Variants in UMAD1 observed in about 807,000 individuals in gnomAD.
The protein encoded by UMAD1 is UBAP1-MVB12-associated (UMA) domain containing 1, also known as UBAP1-MVB12-associated (UMA)-domain containing protein 1.
In UMAD1, 8 loss-of-function variants were observed where a neutral mutation model predicts 6.1. The ratio of observed to expected loss-of-function variants is 1.30; its 90% CI spans 0.76 to 2.35. UMAD1 has a LOEUF of 2.35. Ranked by LOEUF, UMAD1 falls within the 30% of genes most tolerant of loss-of-function variation. The probability of loss-of-function intolerance (pLI) is 0.00; values close to 1 mark genes in which losing one functional copy is unlikely to be tolerated. For missense variants in UMAD1, 130 were observed against 78.4 expected, an observed-to-expected ratio of 1.66 and a Z score of -2.49; for synonymous variants, 56 against 31.4, an observed-to-expected ratio of 1.78 and a Z score of -2.61.
rs1328617157 is a variant in UMAD1 at position 7,871,685 on chromosome 7, T to G, written c.157-5596T>G. On this transcript the variant is annotated intron_variant, in intron 3 of 3. Coordinates refer to ENST00000682710, the MANE Select transcript of UMAD1 (RefSeq NM_001302348.2). ...TCACTCATTTTACATAATAGTGGGT[T>G]GAGGCTCAAATGGGTAAAGCAACCC... Among the ~76,000 whole-genome samples, 5 of 152,296 alleles carry G rather than the reference T, an allele frequency of 3.3e-5. No individual in the cohort carries two copies. In the East Asian group the frequency reaches 9.6e-4, roughly 29 times the overall value.
chr7:7,857,252 G>C (rs948938110), intron 3 of UMAD1, among the ~76,000 whole-genome samples: 3 of 152,188 alleles, frequency 2.0e-5, no homozygotes, highest in African/African-American at 7.2e-5. Context: ...CCACCCGGGA[G>C]TTTACAACTA....
intron 2 of UMAD1, among the ~76,000 whole-genome samples, chr7:7,686,430 C>G (rs1780042839): frequency 6.6e-6 from 1 of 151,974 alleles, no homozygotes; most frequent in Admixed American, 6.6e-5. Context: ...TATTTTTTAT[C>G]AGAAATTTAT....
intron 3 of UMAD1, among the ~76,000 whole-genome samples, chr7:7,823,632 C>T (rs930657321): frequency 3.3e-5 from 5 of 151,962 alleles, no homozygotes; most frequent in Non-Finnish European, 7.4e-5. Context: ...ACCTACTTTT[C>T]ATTTTTTAAA....
At position 7,878,450 on chromosome 7, in the gene UMAD1, T is replaced by G. The variant is rs1214602581; in HGVS notation, c.*912T>G. 2.6e-5 allele frequency: 4 copies of G among 152,196 alleles called. No individual in the cohort carries two copies. Among genetic ancestry groups the G allele is most frequent in the Non-Finnish European group, 5.9e-5 (4 of 68,040 alleles). The allele number at this position is 152,196 out of a possible 1,614,324, so 9.4% of individuals were successfully genotyped here. ...GGAAATGTTTTACTGCTGGAAAAAC[T>G]GAAATCAACTCATTTCCAATTAGAG... is the stretch of plus-strand genomic sequence containing the variant. On this transcript the variant is annotated 3_prime_UTR_variant, in exon 4 of 4. Transcript: ENST00000682710.
chr7:7,710,104 T>C (rs1780716060), intron 2 of UMAD1, among the ~76,000 whole-genome samples: 1 of 152,226 alleles, frequency 6.6e-6, no homozygotes, highest in South Asian at 2.1e-4. Context: ...TGGTCTCATC[T>C]ATATTGCTCT....
intron 2 of UMAD1, among the ~76,000 whole-genome samples, chr7:7,781,978 A>G (rs924769038): frequency 2.3e-4 from 35 of 152,116 alleles, no homozygotes; most frequent in African/African-American, 8.2e-4. Flanking sequence ...ATTTTGAATG[A>G]AGCAGCAAGT....
chr7:7,765,153 A>G (rs1781960463), intron 2 of UMAD1, among the ~76,000 whole-genome samples: 1 of 151,964 alleles, frequency 6.6e-6, no homozygotes, highest in Non-Finnish European at 1.5e-5. Context: ...TGAGGACAAC[A>G]TCTCACTGAT....
chr7:7,770,583 C>T (rs985266613), intron 2 of UMAD1, among the ~76,000 whole-genome samples: 7 of 151,690 alleles, frequency 4.6e-5, no homozygotes, highest in South Asian at 2.1e-4. Context: ...AGGAGGGTGT[C>T]GAATTAAGGT....
chr7:7,648,575 G>A (rs1462195915), intron 1 of UMAD1, among the ~76,000 whole-genome samples: 3 of 152,158 alleles, frequency 2.0e-5, no homozygotes, highest in Non-Finnish European at 4.4e-5. Flanking sequence ...AAATTGGCAG[G>A]GGAATTGGCT....
At chr7:7,844,659 GT>G (rs1443184911) in intron 3 of UMAD1, among the ~76,000 whole-genome samples, 1 of 152,052 alleles carries the variant, frequency 6.6e-6, no homozygotes, top group Non-Finnish European at 1.5e-5. Flanking sequence ...AAGTTAGACT[GT>G]AAGAAATAAA....
chr7:7,692,839 C>T (rs546714922), intron 2 of UMAD1, among the ~76,000 whole-genome samples: 86 of 152,266 alleles, frequency 5.6e-4, no homozygotes, highest in African/African-American at 1.9e-3. Context: ...GATCTCTTGA[C>T]CTCGTGATCT....
intron 1 of UMAD1, among the ~76,000 whole-genome samples, chr7:7,665,716 C>T (rs1360271436): frequency 6.6e-6 from 1 of 152,132 alleles, no homozygotes; most frequent in African/African-American, 2.4e-5. Context: ...CCCCAGGCAA[C>T]CTCTGATATA....
At chr7:7,834,359 T>C (rs1391497958) in intron 3 of UMAD1, among the ~76,000 whole-genome samples, 2 of 152,130 alleles carry the variant, frequency 1.3e-5, no homozygotes, top group Non-Finnish European at 2.9e-5. Flanking sequence ...ATATGATCTG[T>C]CATCCATAAA....
chr7:7,743,392 C>G (rs1187114130), intron 2 of UMAD1, among the ~76,000 whole-genome samples: 3 of 151,944 alleles, frequency 2.0e-5, no homozygotes, highest in Admixed American at 6.5e-5. Context: ...TTGTCAAAAA[C>G]AGTATTAAGG....
chr7:7,772,303 A>G (rs1206976605), intron 2 of UMAD1: 1 of 152,226 alleles, frequency 6.6e-6, no homozygotes, highest in Non-Finnish European at 1.5e-5. Flanking sequence ...CTTTTTGTGA[A>G]TATGCTGAAG....
chr7:7,772,009 C>T (rs527272061), intron 2 of UMAD1, among the ~76,000 whole-genome samples: 5 of 151,798 alleles, frequency 3.3e-5, no homozygotes, highest in Non-Finnish European at 1.5e-5. Flanking sequence ...CAGAAGCATG[C>T]TCTAACATTT....
At chr7:7,778,308 G>A (rs1020062926) in intron 2 of UMAD1, among the ~76,000 whole-genome samples, 2 of 151,530 alleles carry the variant, frequency 1.3e-5, no homozygotes, top group African/African-American at 2.4e-5. Flanking sequence ...CAGAGAGAGA[G>A]CGTAAATATG....
At chr7:7,867,376 A>G (rs1367699697) in intron 3 of UMAD1, among the ~76,000 whole-genome samples, 1 of 152,172 alleles carries the variant, frequency 6.6e-6, no homozygotes, top group East Asian at 1.9e-4. Flanking sequence ...TCATCCGAAG[A>G]AGTGTGTTGA....
chr7:7,726,043 A>G (rs1393564239), intron 2 of UMAD1, among the ~76,000 whole-genome samples: 1 of 152,244 alleles, frequency 6.6e-6, no homozygotes, highest in Non-Finnish European at 1.5e-5. Context: ...GGCCAAATGT[A>G]TGATTATGTA....
Sources: allele counts gnomAD v4.1 joint callset (sites outside exome capture counted in the v4.1 genomes callset), GRCh38; gene constraint gnomAD v4.1.1; transcripts MANE v1.5; gene names NCBI Gene and HGNC (gene_info 2026-07-23, HGNC 2026-07-21).